The following GPC6 variants were observed in gnomAD, a reference collection of about 807,000 sequenced individuals.
The protein encoded by GPC6 is glypican 6, also known as glypican-6.
A neutral mutation model predicts 55.2 loss-of-function variants in GPC6; 14 were observed. The observed-to-expected ratio is 0.25, with a 90% CI of 0.17 to 0.40. GPC6 has a LOEUF of 0.40. GPC6 is among the 10% of genes least tolerant of loss of function. The pLI is 1.00. For missense variants in GPC6, 641 were observed against 708.5 expected, an observed-to-expected ratio of 0.90 and a Z score of 1.08; for synonymous variants, 278 against 259.6, an observed-to-expected ratio of 1.07 and a Z score of -0.68.
chr13:94,312,714 G>GCGCA (rs1206674891), intron 6 of GPC6, among the ~76,000 whole-genome samples: 1 of 127,986 alleles, frequency 7.8e-6, no homozygotes, highest in Admixed American at 7.2e-5. Flanking sequence ...ACACGCACAC[G>GCGCA]CGCACGCACA....
At chr13:93,424,425 C>A (rs1566349466) in intron 1 of GPC6, among the ~76,000 whole-genome samples, 1 of 152,032 alleles carries the variant, frequency 6.6e-6, no homozygotes, top group Non-Finnish European at 1.5e-5. Context: ...GGCAGCCAAC[C>A]CTTCTGGCAG....
chr13:93,911,412 G>C (rs1479378690), intron 3 of GPC6, among the ~76,000 whole-genome samples: 3 of 147,022 alleles, frequency 2.0e-5, no homozygotes, highest in African/African-American at 5.2e-5. Flanking sequence ...TTGACTGTGT[G>C]TGTGTGTGTG....
intron 1 of GPC6, among the ~76,000 whole-genome samples, chr13:93,285,416 G>A (rs564485137): frequency 3.5e-4 from 53 of 152,274 alleles, no homozygotes; most frequent in African/African-American, 1.2e-3. Flanking sequence ...ATCTGGAATA[G>A]GAAGTAATTT....
intron 1 of GPC6, among the ~76,000 whole-genome samples, chr13:93,351,207 G>A (rs1198514993): frequency 6.6e-6 from 1 of 152,066 alleles, no homozygotes; most frequent in Non-Finnish European, 1.5e-5. Flanking sequence ...CCAACAGGTG[G>A]AATATTAATT....
chr13:94,233,970 T>C (rs535089532), intron 4 of GPC6, among the ~76,000 whole-genome samples: 179 of 152,266 alleles, frequency 1.2e-3, no homozygotes, highest in Non-Finnish European at 1.9e-3. Context: ...CAGTACGTCT[T>C]CTAGCAGAGG....
rs1890574079 is a variant in GPC6, at chr13:94,226,844, G to C, written c.878-59505G>C. 2.0e-5 allele frequency among the ~76,000 whole-genome samples: 3 copies of C among 152,158 alleles called. No homozygotes were observed. In the South Asian group the frequency reaches 6.2e-4, roughly 32 times the overall value. ...AAGCCTAAAGGGTTGTACCATCCAG[G>C]CCTCCTGGAGCCATTCAGTGACTAG... On this transcript the variant is annotated intron_variant, in intron 4 of 8. Coordinates refer to ENST00000377047, the MANE Select transcript of GPC6 (RefSeq NM_005708.5).
At chr13:94,400,271 C>G (rs1429309067) in intron 8 of GPC6, among the ~76,000 whole-genome samples, 4 of 152,100 alleles carry the variant, frequency 2.6e-5, no homozygotes, top group Non-Finnish European at 5.9e-5. Context: ...GTTACTCATC[C>G]CACCCCTTAA....
At chr13:94,303,250 G>T (rs1170236819) in intron 5 of GPC6, among the ~76,000 whole-genome samples, 1 of 152,200 alleles carries the variant, frequency 6.6e-6, no homozygotes, top group Non-Finnish European at 1.5e-5. Context: ...TTTATATCCC[G>T]ATCATTGTCC....
At chr13:93,882,245 T>A (rs923901744) in intron 3 of GPC6, among the ~76,000 whole-genome samples, 1 of 151,824 alleles carries the variant, frequency 6.6e-6, no homozygotes, top group Admixed American at 6.6e-5. Context: ...GCCTTGACCT[T>A]CCAGACTCAA....
intron 2 of GPC6, among the ~76,000 whole-genome samples, chr13:93,739,988 A>G (rs866415966): frequency 1.7e-4 from 26 of 152,170 alleles, no homozygotes; most frequent in Admixed American, 1.1e-3. Flanking sequence ...GCAGTCAGAG[A>G]AGGCTTCACT....
intron 2 of GPC6, among the ~76,000 whole-genome samples, chr13:93,810,598 C>T (rs570213006): frequency 2.6e-5 from 4 of 151,872 alleles, no homozygotes; most frequent in Non-Finnish European, 4.4e-5. Flanking sequence ...GGCTATGGCC[C>T]GTAATTAAAT....
At chr13:93,788,239 T>TC (rs1885875972) in intron 2 of GPC6, among the ~76,000 whole-genome samples, 1 of 152,104 alleles carries the variant, frequency 6.6e-6, no homozygotes, top group Non-Finnish European at 1.5e-5. Context: ...TGATACTGCA[T>TC]CTTCTGGAGG....
intron 4 of GPC6, among the ~76,000 whole-genome samples, chr13:94,210,901 G>A (rs1268105111): frequency 6.6e-6 from 1 of 152,140 alleles, no homozygotes; most frequent in Admixed American, 6.5e-5. Context: ...TTTATTCATT[G>A]AGTCAGAAAT....
intron 8 of GPC6, among the ~76,000 whole-genome samples, chr13:94,402,773 AAG>A (rs1236773188): frequency 6.6e-6 from 1 of 152,180 alleles, no homozygotes; most frequent in Non-Finnish European, 1.5e-5. Context: ...GGTGACAGGA[AAG>A]AGAAGTGCCA....
chr13:93,862,381 G>T (rs2139027744), intron 3 of GPC6, among the ~76,000 whole-genome samples: 1 of 151,524 alleles, frequency 6.6e-6, no homozygotes. Flanking sequence ...CTTCTCTACT[G>T]CTCCGTGAGT....
chr13:93,838,148 T>G (rs1327477828), intron 3 of GPC6, among the ~76,000 whole-genome samples: 1 of 152,200 alleles, frequency 6.6e-6, no homozygotes, highest in Non-Finnish European at 1.5e-5. Flanking sequence ...CAGGCACTTC[T>G]CTATAAGAAA....
chr13:94,093,462 G>T (rs1334748555), intron 4 of GPC6, among the ~76,000 whole-genome samples: 1 of 151,882 alleles, frequency 6.6e-6, no homozygotes, highest in African/African-American at 2.4e-5. Context: ...GTTGGTTTAC[G>T]TATCTATTTT....
intron 2 of GPC6, among the ~76,000 whole-genome samples, chr13:93,601,535 T>TC (rs1878016696): frequency 6.6e-6 from 1 of 152,220 alleles, no homozygotes; most frequent in Non-Finnish European, 1.5e-5. Flanking sequence ...TCAGTTATTA[T>TC]CCCTTCTTTC....
At chr13:94,167,867 A>C (rs1405136725) in intron 4 of GPC6, among the ~76,000 whole-genome samples, 1 of 152,230 alleles carries the variant, frequency 6.6e-6, no homozygotes, top group Non-Finnish European at 1.5e-5. Flanking sequence ...CCCATTCAAA[A>C]TTTGAGTGAA....
Sources: gnomAD v4.1 joint callset for allele counts (sites outside exome capture counted in the v4.1 genomes callset) on GRCh38, gnomAD v4.1.1 for gene constraint, MANE v1.5 for transcripts, NCBI Gene and HGNC (gene_info 2026-07-23, HGNC 2026-07-21) for gene names.